The following N4BP1 variants were observed in gnomAD, a reference collection of about 807,000 sequenced individuals.
N4BP1 encodes NEDD4 binding protein 1, also known as NEDD4-binding protein 1.
Under a neutral mutation model 70.9 loss-of-function variants are expected in N4BP1, and 21 were observed. That is an observed-to-expected ratio of 0.30 (90% CI 0.21 to 0.43). The LOEUF (loss-of-function observed/expected upper bound fraction) is 0.43. N4BP1 is among the 20% of genes least tolerant of loss of function. N4BP1 has a pLI of 1.00. For missense variants in N4BP1, 936 were observed against 1,069.4 expected (o/e 0.88, Z 1.74); for synonymous variants, 387 against 394.6 (o/e 0.98, Z 0.23).
Position 48,570,386 on chromosome 16 carries a change from C to T in N4BP1, c.199-7942G>A, listed in dbSNP as rs557896113. 8.5e-5 allele frequency among the ~76,000 whole-genome samples: 13 copies of T among 152,298 alleles called. No homozygotes were observed. In the South Asian group the frequency reaches 2.7e-3, roughly 32 times the overall value. Reference sequence around the variant, plus strand: ...TTTGAGACGGAGTCTCACTCTGTAGCCCAAGCTGGAGTGCAGTGGCATGAT... The same window carrying T: ...TTTGAGACGGAGTCTCACTCTGTAGTCCAAGCTGGAGTGCAGTGGCATGAT... On this transcript the variant is annotated intron_variant, in intron 1 of 6. Coordinates refer to ENST00000262384, the MANE Select transcript of N4BP1 (RefSeq NM_153029.4).
chr16:48,543,596 T>G (rs1039343), intron 6 of N4BP1, among the ~76,000 whole-genome samples: 61,042 of 151,820 alleles, frequency 0.4, 13,210 homozygotes, highest in African/African-American at 0.56. Context: ...GGTTTAACAG[T>G]GTCTTACTCT....
chr16:48,586,317 C>T (rs1479071768), intron 1 of N4BP1, among the ~76,000 whole-genome samples: 10 of 152,166 alleles, frequency 6.6e-5, no homozygotes, highest in East Asian at 3.8e-4. Context: ...GCTTAACTAC[C>T]GAGTATATAA....
At chr16:48,557,141 G>A (rs746439306) in intron 2 of N4BP1, among the ~76,000 whole-genome samples, 140 of 152,282 alleles carry the variant, frequency 9.2e-4, no homozygotes, top group African/African-American at 1.8e-3. Flanking sequence ...ATAGGCAAAT[G>A]AACAAAGGCT....
intron 1 of N4BP1, chr16:48,600,237 T>C: frequency 1.2e-6 from 1 of 845,630 alleles, no homozygotes; most frequent in Non-Finnish European, 2.0e-6. Context: ...CCGCAACGAC[T>C]GAAAGGTGTT....
chr16:48,605,045 T>G (rs1347808276), intron 1 of N4BP1, among the ~76,000 whole-genome samples: 1 of 152,050 alleles, frequency 6.6e-6, no homozygotes, highest in Non-Finnish European at 1.5e-5. Flanking sequence ...TTTTTTTTTT[T>G]TCTCAAGACA....
At chr16:48,557,537 G>T (rs987931672) in intron 2 of N4BP1, among the ~76,000 whole-genome samples, 64 of 152,054 alleles carry the variant, frequency 4.2e-4, no homozygotes. Flanking sequence ...TGGGTGATTC[G>T]GCTTTAAAAT....
intron 5 of N4BP1, 38 bp from the exon 6 acceptor site, chr16:48,546,292 C>T: frequency 7.0e-7 from 1 of 1,433,578 alleles, no homozygotes; most frequent in Non-Finnish European, 9.6e-7. Flanking sequence ...GAGACAGGGT[C>T]CTCACTGCCC....
intron 1 of N4BP1, among the ~76,000 whole-genome samples, chr16:48,598,563 A>C (rs1942228994): frequency 6.6e-6 from 1 of 152,296 alleles, no homozygotes; most frequent in East Asian, 1.9e-4. Context: ...TTTTAATACA[A>C]CACCACTGAA....
intron 1 of N4BP1, among the ~76,000 whole-genome samples, chr16:48,585,537 C>T (rs1005516509): frequency 3.3e-5 from 5 of 150,708 alleles, no homozygotes; most frequent in South Asian, 2.1e-4. Flanking sequence ...ATAATAGTAA[C>T]GAACTTTTTT....
At chr16:48,552,373 C>T (rs564405755) in intron 3 of N4BP1, among the ~76,000 whole-genome samples, 5 of 152,038 alleles carry the variant, frequency 3.3e-5, no homozygotes, top group Non-Finnish European at 5.9e-5. Flanking sequence ...GTACTCACCA[C>T]TGACTTAAGC....
chr16:48,600,339 G>A (rs1964476695), intron 1 of N4BP1: 3 of 894,410 alleles, frequency 3.4e-6, no homozygotes, highest in Admixed American at 1.7e-5. Flanking sequence ...GAAAGCAGGT[G>A]GCAAAGAGCT....
intron 1 of N4BP1, among the ~76,000 whole-genome samples, chr16:48,581,981 TG>T (rs374144368): frequency 5.9e-4 from 90 of 152,086 alleles, no homozygotes; most frequent in African/African-American, 2.0e-3. Flanking sequence ...TAAAAACCTC[TG>T]GACAAGCAAG....
chr16:48,605,069 G>A (rs1468482219), intron 1 of N4BP1, among the ~76,000 whole-genome samples: 5 of 150,500 alleles, frequency 3.3e-5, no homozygotes, highest in Admixed American at 6.6e-5. Flanking sequence ...TTTTGCTCTC[G>A]TTGCCCAGGC....
Position 48,553,599 on chromosome 16 carries a change from T to G in N4BP1, c.1960A>C (p.Asn654His), listed in dbSNP as rs1963706665. ...GGGACAAATACAGTGATGTTTCTGT[T>G]GCCAAGCTTCCAAAAATATTCAACT... The part of the protein sequence containing the change: ...IAVEYFWKLG[N>H]RNITVFVPQW... The change falls in exon 3 of 7, where the codon AAC (asparagine) becomes CAC (histidine). Residue 654 changes from asparagine (N) to histidine (H), a missense_variant. Coordinates refer to ENST00000262384, the MANE Select transcript of N4BP1 (RefSeq NM_153029.4). The G allele has an allele frequency of 1.2e-6, 2 of 1,606,944 alleles. No individual in the cohort carries two copies. The highest frequency in any genetic ancestry group is 2.7e-5 in the African/African-American group (2 of 74,832).
intron 4 of N4BP1, among the ~76,000 whole-genome samples, chr16:48,549,762 G>GCC: frequency 6.6e-6 from 1 of 152,144 alleles, no homozygotes; most frequent in African/African-American, 2.4e-5. Context: ...GTGGTCCCAA[G>GCC]CCCCCCATCC....
intron 2 of N4BP1, among the ~76,000 whole-genome samples, chr16:48,557,747 TAGTG>T (rs1963777116): frequency 6.6e-6 from 1 of 152,096 alleles, no homozygotes; most frequent in African/African-American, 2.4e-5. Context: ...CTGGGCAAAA[TAGTG>T]AGACTTTACC....
intron 1 of N4BP1, among the ~76,000 whole-genome samples, chr16:48,583,783 C>CA (rs1171891998): frequency 6.6e-6 from 1 of 152,136 alleles, no homozygotes; most frequent in African/African-American, 2.4e-5. Flanking sequence ...TACATAACTT[C>CA]AAAAAAATTT....
At chr16:48,600,288 A>C (rs932130798) in intron 1 of N4BP1, 15 of 1,141,960 alleles carry the variant, frequency 1.3e-5, no homozygotes, top group Non-Finnish European at 1.9e-5. Context: ...CTTTAAAAAG[A>C]AGCACAATCC....
chr16:48,552,105 G>C (rs1365300144), intron 3 of N4BP1, among the ~76,000 whole-genome samples: 2 of 152,100 alleles, frequency 1.3e-5, no homozygotes, highest in Non-Finnish European at 2.9e-5. Flanking sequence ...GTGAGGCTAG[G>C]GCAGATCTAG....
Sources: allele counts gnomAD v4.1 joint callset (sites outside exome capture counted in the v4.1 genomes callset), GRCh38; gene constraint gnomAD v4.1.1; transcripts MANE v1.5; gene names NCBI Gene and HGNC (gene_info 2026-07-23, HGNC 2026-07-21).